EYA2: variants seen among roughly 807,000 people sequenced by gnomAD.
The protein encoded by EYA2 is protein phosphatase EYA2.
EYA2 carries 31 observed loss-of-function variants against 69.2 expected under a neutral mutation model. That is an observed-to-expected ratio of 0.45 (90% CI 0.34 to 0.60). EYA2 has a LOEUF of 0.60. Ranked by LOEUF, EYA2 falls within the 20% of genes least tolerant of loss-of-function variation. The pLI is 0.02. For synonymous variants in EYA2, 257 were observed against 279.4 expected (o/e 0.92, Z 0.80); for missense variants, 622 against 701.2 (o/e 0.89, Z 1.28).
chr20:46,981,824 A>G (rs1980852090), intron 1 of EYA2, among the ~76,000 whole-genome samples: 1 of 152,134 alleles, frequency 6.6e-6, no homozygotes, highest in Non-Finnish European at 1.5e-5. Context: ...TCTTGTAATA[A>G]GCATGTAGTT....
chr20:47,176,229 G>A (rs771739156), intron 12 of EYA2, among the ~76,000 whole-genome samples: 6 of 151,910 alleles, frequency 3.9e-5, no homozygotes, highest in Non-Finnish European at 7.4e-5. Context: ...ACAGGCACAT[G>A]CCACCATGCC....
intron 1 of EYA2, among the ~76,000 whole-genome samples, chr20:46,908,753 A>G (rs966687492): frequency 5.3e-5 from 8 of 151,820 alleles, no homozygotes; most frequent in Admixed American, 1.3e-4. Context: ...TAAAATCACT[A>G]TGAGGAACCA....
intron 13 of EYA2, 64 bp from the exon 14 acceptor site, chr20:47,180,751 A>C (rs966084392): frequency 2.2e-5 from 35 of 1,583,246 alleles, no homozygotes; most frequent in Admixed American, 1.6e-4. Context: ...AGGCTCATGC[A>C]GCAAGAGGAG....
rs143009821 is a variant in EYA2, at chr20:47,059,281, T to C, written c.416-12904T>C. Among the ~76,000 whole-genome samples the C allele has an allele frequency of 3.1e-3, 475 of 152,258 alleles. 1 individual carries two copies. Among genetic ancestry groups the C allele is most frequent in the African/African-American group, 0.01 (428 of 41,548 alleles). ...CTGTCCTTTGTATAGTAGGTATAAA[T>C]CTCAGACTACAGGCTCGAGGGGCCA... On this transcript the variant is annotated intron_variant, in intron 5 of 15. Coordinates refer to ENST00000327619, the MANE Select transcript of EYA2 (RefSeq NM_005244.5).
At chr20:47,032,542 C>T (rs1428934138) in intron 5 of EYA2, among the ~76,000 whole-genome samples, 1 of 152,062 alleles carries the variant, frequency 6.6e-6, no homozygotes, top group African/African-American at 2.4e-5. Flanking sequence ...TGGTGTGCAT[C>T]TTGTTTTATA....
chr20:47,124,329 G>T (rs2033124657), intron 9 of EYA2, among the ~76,000 whole-genome samples: 1 of 152,128 alleles, frequency 6.6e-6, no homozygotes, highest in South Asian at 2.1e-4. Flanking sequence ...GTAAGATGGA[G>T]TCTTTTTCTA....
intron 5 of EYA2, among the ~76,000 whole-genome samples, chr20:47,062,808 T>G (rs2030945934): frequency 6.6e-6 from 1 of 152,166 alleles, no homozygotes; most frequent in South Asian, 2.1e-4. Flanking sequence ...AAAGGGGGTA[T>G]GCAGTTGGTG....
chr20:47,105,025 AT>A (rs2032535032), intron 9 of EYA2, among the ~76,000 whole-genome samples: 1 of 152,204 alleles, frequency 6.6e-6, no homozygotes, highest in South Asian at 2.1e-4. Flanking sequence ...TATCTCAAAA[AT>A]TTTTTTAAAA....
At chr20:47,132,490 C>G (rs2033366091) in intron 9 of EYA2, among the ~76,000 whole-genome samples, 2 of 152,174 alleles carry the variant, frequency 1.3e-5, no homozygotes, top group South Asian at 4.1e-4. Flanking sequence ...GCAAGACACA[C>G]CACACACAAA....
intron 1 of EYA2, among the ~76,000 whole-genome samples, chr20:46,943,191 C>T (rs1228026310): frequency 2.6e-5 from 4 of 152,178 alleles, no homozygotes; most frequent in Non-Finnish European, 4.4e-5. Context: ...GTGCTGCGGG[C>T]GCCTAGTGGG....
chr20:47,117,302 A>T (rs2032924951), intron 9 of EYA2: 2 of 917,824 alleles, frequency 2.2e-6, no homozygotes, highest in Admixed American at 6.2e-5. Flanking sequence ...GAGCCACCGC[A>T]CCCAGCCAAG....
intron 9 of EYA2, among the ~76,000 whole-genome samples, chr20:47,103,310 T>G (rs2032479567): frequency 6.6e-6 from 1 of 152,124 alleles, no homozygotes; most frequent in African/African-American, 2.4e-5. Context: ...ACTTTCTTTC[T>G]CTACAGATTT....
chr20:47,112,287 A>G (rs1478490001), intron 9 of EYA2, among the ~76,000 whole-genome samples: 1 of 152,174 alleles, frequency 6.6e-6, no homozygotes, highest in African/African-American at 2.4e-5. Flanking sequence ...AAAGCCATGT[A>G]ATTATAACCA....
Position 47,004,950 on chromosome 20 carries a change from C to G in EYA2, c.164C>G (p.Pro55Arg), listed in dbSNP as rs770491717. ...TCCCTCTTTCCACACAGATCTTGCC[C>G]ACGTGTCCTCCCCCGCCAGCCTTCC... ...RVSQLFSRSCPRVLPRQPSTA... is the reference protein window; with the variant it reads ...RVSQLFSRSCRRVLPRQPSTA... Residue 55 changes from proline (P) to arginine (R), a missense_variant, in exon 4 of 16, where the codon CCA becomes CGA. Physicochemically the swap from Pro to Arg is moderately radical, Grantham distance 103 (BLOSUM62 -2). This residue lies in a region of EYA2 where 365 missense variants were observed against 349.7 expected (regional missense o/e 1.04). Transcript: ENST00000327619. 9.0e-5 allele frequency: 146 copies of G among 1,613,938 alleles called. No homozygotes were observed. Among genetic ancestry groups the G allele is most frequent in the Non-Finnish European group, 1.2e-4 (137 of 1,179,986 alleles).
chr20:46,954,102 C>T (rs1170417329), intron 1 of EYA2, among the ~76,000 whole-genome samples: 1 of 152,228 alleles, frequency 6.6e-6, no homozygotes, highest in African/African-American at 2.4e-5. Context: ...TGTCCTGTTG[C>T]TCTTTCCTAC....
At position 47,180,930 on chromosome 20, in the gene EYA2, A is replaced by C. The variant is rs1301805176; in HGVS notation, c.1429A>C (p.Lys477Gln). ...FPIENIYSAT[K>Q]TGKESCFERI... is the part of the protein sequence containing the mutation. Reference sequence around the variant, plus strand: ...TATTGAGAACATCTACAGTGCAACCAAGACAGGTAGGGAGAAGCCACACCT... The same window carrying C: ...TATTGAGAACATCTACAGTGCAACCCAGACAGGTAGGGAGAAGCCACACCT... The change falls in exon 14 of 16, where the codon AAG (lysine) becomes CAG (glutamine). Residue 477 changes from lysine to glutamine, a missense_variant. Lys to Gln is a moderately conservative substitution (Grantham distance 53, BLOSUM62 1). This residue lies in a region of EYA2 where 257 missense variants were observed against 351.5 expected (regional missense o/e 0.73). Transcript: ENST00000327619. 1 of 1,613,950 alleles carries C rather than the reference A, an allele frequency of 6.2e-7. No homozygotes were observed. The highest frequency in any genetic ancestry group is 1.1e-5 in the South Asian group (1 of 91,024).
At chr20:46,987,754 C>A (rs1981324462) in intron 1 of EYA2, among the ~76,000 whole-genome samples, 1 of 151,714 alleles carries the variant, frequency 6.6e-6, no homozygotes, top group South Asian at 2.1e-4. Context: ...TGGCAAAACC[C>A]CGTCTCTACT....
chr20:46,961,344 ATTTATTTT>A (rs1979466299), intron 1 of EYA2, among the ~76,000 whole-genome samples: 1 of 152,266 alleles, frequency 6.6e-6, no homozygotes, highest in Admixed American at 6.5e-5. Flanking sequence ...AAATAAATAA[ATTTATTTT>A]AAAAAATAGA....
At chr20:47,157,061 A>G (rs1457327971) in intron 10 of EYA2, among the ~76,000 whole-genome samples, 2 of 152,026 alleles carry the variant, frequency 1.3e-5, no homozygotes, top group African/African-American at 4.8e-5. Context: ...AACAACAGTA[A>G]TACTAAGTAT....
Sources: allele counts gnomAD v4.1 joint callset (sites outside exome capture counted in the v4.1 genomes callset), GRCh38; gene constraint gnomAD v4.1.1; regional missense constraint gnomAD v4.1.1; transcripts MANE v1.5; gene names NCBI Gene and HGNC (gene_info 2026-07-23, HGNC 2026-07-21).